SLC24A2: variants seen among roughly 807,000 people sequenced by gnomAD.
SLC24A2 encodes sodium/potassium/calcium exchanger 2.
Under a neutral mutation model 62.0 loss-of-function variants are expected in SLC24A2, and 36 were observed. That is an observed-to-expected ratio of 0.58 (90% CI 0.44 to 0.77). SLC24A2 has a LOEUF of 0.77. Ranked by LOEUF, SLC24A2 falls within the 30% of genes least tolerant of loss-of-function variation. SLC24A2 has a pLI of 0.00. For synonymous variants in SLC24A2, 358 were observed against 294.0 expected (o/e 1.22, Z -2.23); for missense variants, 846 against 817.9 (o/e 1.03, Z -0.42).
chr9:20,180,914 A>G, the SLC24A2 span, among the ~76,000 whole-genome samples: 29,989 of 152,082 alleles, frequency 0.2, 3,096 homozygotes, highest in East Asian at 0.29. Flanking sequence ...CTTGCCCTGA[A>G]CTAAGCTTAC....
the SLC24A2 span, among the ~76,000 whole-genome samples, chr9:19,809,336 C>G: frequency 6.6e-6 from 1 of 151,990 alleles, no homozygotes; most frequent in Non-Finnish European, 1.5e-5. Context: ...TGAGATGCAA[C>G]AGAGTAAAAA....
At chr9:20,154,412 G>T in the SLC24A2 span, among the ~76,000 whole-genome samples, 1 of 151,712 alleles carries the variant, frequency 6.6e-6, no homozygotes, top group African/African-American at 2.4e-5. Context: ...GAGAGAATCT[G>T]GGGAAGGTTA....
At chr9:20,122,297 T>G in the SLC24A2 span, among the ~76,000 whole-genome samples, 2 of 152,222 alleles carry the variant, frequency 1.3e-5, no homozygotes, top group Admixed American at 6.5e-5. Context: ...CATCCGATAG[T>G]TCTGCACACT....
At chr9:20,092,588 A>T in the SLC24A2 span, among the ~76,000 whole-genome samples, 1 of 152,158 alleles carries the variant, frequency 6.6e-6, no homozygotes, top group African/African-American at 2.4e-5. Flanking sequence ...TGCTTTTCTT[A>T]TTCTGATTAA....
chr9:19,749,797 G>A (rs1821931473), intron 2 of SLC24A2, among the ~76,000 whole-genome samples: 1 of 152,162 alleles, frequency 6.6e-6, no homozygotes, highest in Non-Finnish European at 1.5e-5. Context: ...GACTCAGTGG[G>A]GTTTGGGGTC....
intron 2 of SLC24A2, among the ~76,000 whole-genome samples, chr9:19,761,879 C>A (rs978716830): frequency 6.6e-6 from 1 of 152,124 alleles, no homozygotes; most frequent in African/African-American, 2.4e-5. Flanking sequence ...TCCAGTCTAT[C>A]GTTGTTGGAC....
chr9:20,193,656 T>C, the SLC24A2 span, among the ~76,000 whole-genome samples: 7 of 152,134 alleles, frequency 4.6e-5, no homozygotes, highest in African/African-American at 1.7e-4. Context: ...AGTTTAAAGA[T>C]GATAAATATT....
chr9:20,114,182 T>C, the SLC24A2 span, among the ~76,000 whole-genome samples: 6 of 152,168 alleles, frequency 3.9e-5, no homozygotes, highest in African/African-American at 1.2e-4. Flanking sequence ...AACCCCCATT[T>C]CCACTCCCAA....
the SLC24A2 span, among the ~76,000 whole-genome samples, chr9:20,208,321 G>C: frequency 2.0e-5 from 3 of 152,196 alleles, no homozygotes; most frequent in Non-Finnish European, 4.4e-5. Flanking sequence ...GCAAGGGCTA[G>C]AGGAATGGGA....
At chr9:20,203,122 G>GA in the SLC24A2 span, among the ~76,000 whole-genome samples, 53 of 144,026 alleles carry the variant, frequency 3.7e-4, no homozygotes, top group Middle Eastern at 3.6e-3. Flanking sequence ...TGACTAAAAG[G>GA]AAAAAAAAAA....
At chr9:19,558,219 G>C (rs999501687) in intron 7 of SLC24A2, among the ~76,000 whole-genome samples, 4 of 152,154 alleles carry the variant, frequency 2.6e-5, no homozygotes, top group East Asian at 1.9e-4. Context: ...AGACCTGGGG[G>C]TGTGTGGAGA....
the SLC24A2 span, among the ~76,000 whole-genome samples, chr9:20,227,690 T>C: frequency 6.6e-6 from 1 of 152,072 alleles, no homozygotes; most frequent in Admixed American, 6.6e-5. Context: ...TTCAGAACAG[T>C]CTAGGCAGCC....
chr9:19,868,778 T>A, the SLC24A2 span, among the ~76,000 whole-genome samples: 1 of 152,208 alleles, frequency 6.6e-6, no homozygotes. Context: ...TTATACTAAT[T>A]TAGCAACTCT....
At chr9:19,828,225 C>T in the SLC24A2 span, among the ~76,000 whole-genome samples, 2 of 151,956 alleles carry the variant, frequency 1.3e-5, no homozygotes, top group African/African-American at 2.4e-5. Flanking sequence ...AGTAGCACAA[C>T]AGAGTGACCA....
At chr9:20,138,004 T>C in the SLC24A2 span, among the ~76,000 whole-genome samples, 418 of 152,292 alleles carry the variant, frequency 2.7e-3, 1 homozygote, top group African/African-American at 9.6e-3. Context: ...AGAAGGAACA[T>C]TATTCCATTG....
At chr9:19,869,271 GCACC>G in the SLC24A2 span, among the ~76,000 whole-genome samples, 3 of 152,278 alleles carry the variant, frequency 2.0e-5, no homozygotes, top group East Asian at 5.8e-4. Flanking sequence ...TTGAGCTACT[GCACC>G]CAGTCTATTT....
At chr9:19,994,191 C>A in the SLC24A2 span, among the ~76,000 whole-genome samples, 2 of 152,106 alleles carry the variant, frequency 1.3e-5, no homozygotes, top group Non-Finnish European at 2.9e-5. Flanking sequence ...CAATCTCCTT[C>A]GTCAGGGAAA....
intron 4 of SLC24A2, 83 bp from the exon 5 acceptor site, chr9:19,597,362 A>G (rs1389775795): frequency 2.1e-6 from 2 of 954,580 alleles, no homozygotes; most frequent in African/African-American, 3.2e-5. Context: ...TTAATTAATC[A>G]GATTCAGAGT....
At chr9:19,590,346 C>G (rs1027394495) in intron 5 of SLC24A2, among the ~76,000 whole-genome samples, 1 of 152,176 alleles carries the variant, frequency 6.6e-6, no homozygotes, top group African/African-American at 2.4e-5. Context: ...AGATCCTTCA[C>G]CTTTTTTTTC....
Sources: gnomAD v4.1 joint callset for allele counts (sites outside exome capture counted in the v4.1 genomes callset) on GRCh38, gnomAD v4.1.1 for gene constraint, MANE v1.5 for transcripts, NCBI Gene and HGNC (gene_info 2026-07-23, HGNC 2026-07-21) for gene names.